Variants in TRRAP observed in about 807,000 individuals in gnomAD.
TRRAP encodes transformation/transcription domain-associated protein.
In TRRAP, 41 loss-of-function variants were observed where a neutral mutation model predicts 438.8. That is an observed-to-expected ratio of 0.09 (90% CI 0.07 to 0.12). The LOEUF is 0.12. TRRAP is among the 10% of genes least tolerant of loss of function. The probability of loss-of-function intolerance (pLI) is 1.00; values close to 1 mark genes in which losing one functional copy is unlikely to be tolerated. For synonymous variants in TRRAP, 1,994 were observed against 1,962.9 expected (o/e 1.02, Z -0.42); for missense variants, 3,122 against 5,055.1 (o/e 0.62, Z 11.60).
intron 41 of TRRAP, among the ~76,000 whole-genome samples, chr7:98,955,564 T>C (rs1225263538): frequency 6.6e-6 from 1 of 152,190 alleles, no homozygotes; most frequent in African/African-American, 2.4e-5. Context: ...AGTTAACCCT[T>C]GTATGCTGCT....
intron 22 of TRRAP, among the ~76,000 whole-genome samples, chr7:98,925,465 C>T (rs1790005303): frequency 6.6e-6 from 1 of 152,314 alleles, no homozygotes; most frequent in Non-Finnish European, 1.5e-5. Context: ...GAAGGGATCA[C>T]AGTTGTCGCC....
intron 67 of TRRAP, among the ~76,000 whole-genome samples, chr7:99,002,927 C>T (rs185372989): frequency 2.6e-5 from 4 of 152,168 alleles, no homozygotes; most frequent in South Asian, 2.1e-4. Flanking sequence ...TTCATCCTTT[C>T]GGGGCAGGTG....
In TRRAP at chr7:99,005,071, C is replaced by G; in HGVS notation, c.10536-60C>G. 1.9e-6 allele frequency: 3 copies of G among 1,554,282 alleles called. No homozygotes were observed. The highest frequency in any genetic ancestry group is 2.7e-6 in the Non-Finnish European group (3 of 1,131,196). Reference sequence around the variant, plus strand: ...AGTTCGGACATTCCTAGCTTCTTCTCAAGACAAGGACTGGTAGCAGAGATG... The same window carrying G: ...AGTTCGGACATTCCTAGCTTCTTCTGAAGACAAGGACTGGTAGCAGAGATG... On this transcript the variant is annotated intron_variant, in intron 68 of 72. Transcript: ENST00000456197. The surrounding 1 kb of genome is among the most constrained non-coding windows in gnomAD (Gnocchi z 5.1).
At chr7:98,955,702 A>G (rs1554419473) in intron 41 of TRRAP, among the ~76,000 whole-genome samples, 1 of 152,194 alleles carries the variant, frequency 6.6e-6, no homozygotes. Flanking sequence ...GGATTTATTT[A>G]TATGTAAATG....
chr7:98,990,676 C>T lies in TRRAP; in HGVS notation c.9756+57C>T, dbSNP rs1253320573. 1.7e-5 allele frequency: 26 copies of T among 1,526,764 alleles called. No individual in the cohort carries two copies. In the Admixed American group the frequency reaches 2.8e-4, roughly 16 times the overall value. 94.6% of individuals were successfully genotyped at this position (1,526,764 alleles called of 1,614,324 possible). A position where few individuals can be genotyped will look rare whatever the true frequency, so the allele number is the denominator to read the frequency against. On this transcript the variant is annotated intron_variant, in intron 64 of 72. Transcript: ENST00000456197. ...CACAAAACATTGTGTCTTCATTTTG[C>T]GTTCTTTTTTCTCCCAGAAAGTAAA...
intron 19 of TRRAP, among the ~76,000 whole-genome samples, chr7:98,916,089 G>T (rs1467671606): frequency 6.6e-6 from 1 of 151,866 alleles, no homozygotes; most frequent in Non-Finnish European, 1.5e-5. Context: ...CTGCCTTCAG[G>T]GATGGGCCCT....
At chr7:98,912,602 G>A (rs1356230998) in intron 18 of TRRAP, among the ~76,000 whole-genome samples, 2 of 152,046 alleles carry the variant, frequency 1.3e-5, no homozygotes, top group Non-Finnish European at 2.9e-5. Context: ...GGTGGTATTA[G>A]TATTGACACC....
chr7:99,012,735 C>A lies in TRRAP; in HGVS notation c.*380C>A, dbSNP rs1028416369. The A allele has an allele frequency of 1.4e-5, 3 of 210,448 alleles. No homozygotes were observed. Among genetic ancestry groups the A allele is most frequent in the South Asian group, 1.1e-4 (1 of 9,172 alleles). 13.0% of individuals were successfully genotyped at this position (210,448 alleles called of 1,614,324 possible). A position where few individuals can be genotyped will look rare whatever the true frequency, so the allele number is the denominator to read the frequency against. On this transcript the variant is annotated 3_prime_UTR_variant, in exon 73 of 73. Coordinates refer to ENST00000456197, the MANE Select transcript of TRRAP (RefSeq NM_001375524.1). The surrounding 1 kb of genome is among the most constrained non-coding windows in gnomAD (Gnocchi z 5.9). ...CCCTTCCATCCATTTTTAACTCTTT[C>A]GGAAATAACACCTCACAGCAGCTTC... is the stretch of plus-strand genomic sequence containing the variant.
intron 38 of TRRAP, 41 bp downstream of exon 38, chr7:98,950,303 G>C: frequency 6.2e-7 from 1 of 1,600,918 alleles, no homozygotes; most frequent in Non-Finnish European, 8.5e-7. Flanking sequence ...ATGGGTATTT[G>C]GTCTGGTTTT....
chr7:99,003,176 C>T (rs751065807), intron 67 of TRRAP, among the ~76,000 whole-genome samples: 22 of 152,088 alleles, frequency 1.4e-4, no homozygotes, highest in African/African-American at 2.2e-4. Context: ...GTTAGGGTGA[C>T]GAGGCTCCTT....
chr7:98,900,500 T>C (rs782600221), intron 10 of TRRAP, 124 bp from the exon 11 acceptor site: 27 of 730,220 alleles, frequency 3.7e-5, no homozygotes, highest in Non-Finnish European at 5.1e-5. Flanking sequence ...TTTGCTATTG[T>C]TGCTGTGTTG....
Position 98,970,243 on chromosome 7 carries a change from T to C in TRRAP, c.7644T>C (p.His2548=), listed in dbSNP as rs144017858. The change falls in exon 52 of 73, where the codon CAT becomes CAC. Residue 2548 remains histidine, a synonymous_variant. Transcript: ENST00000456197. The part of the protein sequence containing the change: ...HDRAAFAMVT[H]VKQEPREREN... ...GTGCCGCCTTCGCCATGGTCACACA[T>C]GTCAAGCAGGAGCCCCGGGAGCGGG... 3.7e-4 allele frequency: 593 copies of C among 1,613,508 alleles called. 4 individuals are homozygous for C. In the African/African-American group the frequency reaches 6.8e-3, roughly 18 times the overall value.
intron 1 of TRRAP, among the ~76,000 whole-genome samples, 199 bp downstream of exon 1, chr7:98,878,836 G>C (rs1795282868): frequency 6.6e-6 from 1 of 152,156 alleles, no homozygotes; most frequent in Admixed American, 6.5e-5. Flanking sequence ...AGAGGAAGCT[G>C]TGGGAGGCGC....
chr7:98,881,181 G>A lies in TRRAP; in HGVS notation c.31G>A (p.Val11Met), dbSNP rs1795411639. Residue 11 changes from valine to methionine, a missense_variant, in exon 2 of 73, where the codon GTG becomes ATG. Physicochemically the swap from Val to Met is conservative, Grantham distance 21. This residue lies in a region of TRRAP where 343 missense variants were observed against 564.0 expected (regional missense o/e 0.61). Coordinates refer to ENST00000456197, the MANE Select transcript of TRRAP (RefSeq NM_001375524.1). ...GTTTGTTGCAACACAGGGGGCCACG[G>A]TGGTTGACCAGACCACTTTGATGAA... MAFVATQGATVVDQTTLMKKY... is the reference protein window; with the variant it reads MAFVATQGATMVDQTTLMKKY... 2 of 1,610,984 alleles carry A rather than the reference G, an allele frequency of 1.2e-6. No homozygotes were observed. The highest frequency in any genetic ancestry group is 3.4e-5 in the Admixed American group (2 of 59,544).
chr7:98,886,699 G>A (rs1584266590), intron 3 of TRRAP, among the ~76,000 whole-genome samples: 2 of 152,212 alleles, frequency 1.3e-5, no homozygotes, highest in East Asian at 3.9e-4. Context: ...CCAGAAAAAT[G>A]TTTAAATGAA....
At chr7:98,896,063 T>C in intron 7 of TRRAP, among the ~76,000 whole-genome samples, 1 of 152,358 alleles carries the variant, frequency 6.6e-6, no homozygotes. Context: ...GTTTTTATTG[T>C]AGAAATTTTG....
chr7:98,924,978 C>T (rs1037110951), intron 21 of TRRAP, 134 bp from the exon 22 acceptor site: 16 of 1,249,336 alleles, frequency 1.3e-5, no homozygotes, highest in East Asian at 2.7e-5. Context: ...GCACTCCAGC[C>T]CAGGCGACAG....
chr7:98,935,738 G>GA (rs1183155578), intron 28 of TRRAP, 63 bp downstream of exon 28: 3,174 of 1,302,720 alleles, frequency 2.4e-3, no homozygotes, highest in South Asian at 4.1e-3. Flanking sequence ...GAGGTCTATA[G>GA]AAAAAAAAAG....
At chr7:98,968,913 G>A (rs1680062458) in intron 51 of TRRAP, among the ~76,000 whole-genome samples, 1 of 152,198 alleles carries the variant, frequency 6.6e-6, no homozygotes, top group African/African-American at 2.4e-5. Flanking sequence ...CCAGGCACTG[G>A]GTCAGGTGCT....
Sources: allele counts gnomAD v4.1 joint callset (sites outside exome capture counted in the v4.1 genomes callset), GRCh38; gene constraint gnomAD v4.1.1; regional missense constraint gnomAD v4.1.1; non-coding constraint Gnocchi (gnomAD v3.1); transcripts MANE v1.5; gene names NCBI Gene and HGNC (gene_info 2026-07-23, HGNC 2026-07-21).